Variants in SORCS2 observed in about 807,000 individuals in gnomAD.
SORCS2 encodes sortilin related VPS10 domain containing receptor 2.
Under a neutral mutation model 141.6 loss-of-function variants are expected in SORCS2, and 100 were observed. The ratio of observed to expected loss-of-function variants is 0.71; its 90% CI spans 0.60 to 0.83. The LOEUF (loss-of-function observed/expected upper bound fraction) is 0.83, where lower values mean the gene tolerates loss of function less well. Ranked by LOEUF, SORCS2 falls within the 40% of genes least tolerant of loss-of-function variation. The pLI, the probability that SORCS2 is intolerant of heterozygous loss-of-function variation, is 0.00. For synonymous variants in SORCS2, 789 were observed against 676.9 expected (o/e 1.17, Z -2.57); for missense variants, 1,646 against 1,560.2 (o/e 1.05, Z -0.93).
chr4:7,551,184 G>T (rs147320740), intron 3 of SORCS2, among the ~76,000 whole-genome samples: 20 of 152,302 alleles, frequency 1.3e-4, no homozygotes, highest in Non-Finnish European at 2.5e-4. Context: ...AAATTGGTTT[G>T]ATATTGTTGG....
intron 1 of SORCS2, among the ~76,000 whole-genome samples, chr4:7,265,777 G>T (rs573628051): frequency 9.8e-5 from 15 of 152,302 alleles, no homozygotes; most frequent in Admixed American, 9.8e-4. Context: ...ATGAGGCCAC[G>T]TTCGCAGGGG....
intron 1 of SORCS2, among the ~76,000 whole-genome samples, chr4:7,364,123 A>G (rs143075861): frequency 2.0e-5 from 3 of 151,964 alleles, no homozygotes; most frequent in Non-Finnish European, 4.4e-5. Flanking sequence ...CATCACCACC[A>G]CCACCACCAC....
At chr4:7,250,950 G>A (rs564207451) in intron 1 of SORCS2, among the ~76,000 whole-genome samples, 6 of 152,380 alleles carry the variant, frequency 3.9e-5, no homozygotes, top group East Asian at 1.9e-4. Flanking sequence ...CAGAGGCAAC[G>A]AGGAATTCTG....
intron 11 of SORCS2, among the ~76,000 whole-genome samples, chr4:7,694,422 TC>T (rs777502448): frequency 3.3e-5 from 5 of 151,840 alleles, no homozygotes; most frequent in Non-Finnish European, 5.9e-5. Context: ...GCTCCTTCTT[TC>T]CCCCGAGACT....
intron 3 of SORCS2, among the ~76,000 whole-genome samples, chr4:7,582,665 CA>C (rs139045913): frequency 2.6e-5 from 4 of 151,646 alleles, no homozygotes; most frequent in African/African-American, 4.8e-5. Flanking sequence ...AAACAAAAAA[CA>C]AAAAAAAGCA....
intron 3 of SORCS2, among the ~76,000 whole-genome samples, chr4:7,583,395 C>T (rs898666942): frequency 6.6e-6 from 1 of 152,196 alleles, no homozygotes; most frequent in Admixed American, 6.5e-5. Flanking sequence ...AAAACAGGAA[C>T]TCAACTTACC....
At chr4:7,652,078 G>C (rs1021568987) in intron 4 of SORCS2, among the ~76,000 whole-genome samples, 20 of 152,208 alleles carry the variant, frequency 1.3e-4, no homozygotes, top group Admixed American at 1.3e-4. Flanking sequence ...ATGGCACTAT[G>C]AAGTCCCACC....
chr4:7,293,421 G>A (rs1050769520), intron 1 of SORCS2, among the ~76,000 whole-genome samples: 2 of 152,152 alleles, frequency 1.3e-5, no homozygotes, highest in African/African-American at 4.8e-5. Flanking sequence ...GGTCCTTGTA[G>A]ACATGGCTTT....
chr4:7,388,688 T>C (rs4689719), intron 1 of SORCS2, among the ~76,000 whole-genome samples: 47,212 of 151,978 alleles, frequency 0.31, 7,479 homozygotes, highest in East Asian at 0.54. Flanking sequence ...GAAACTCACC[T>C]CTTTAGCCAT....
At chr4:7,293,295 C>T (rs1485532353) in intron 1 of SORCS2, among the ~76,000 whole-genome samples, 1 of 149,678 alleles carries the variant, frequency 6.7e-6, no homozygotes, top group Non-Finnish European at 1.5e-5. Flanking sequence ...AAGAGCAAGA[C>T]TCCATCTAAA....
intron 26 of SORCS2, among the ~76,000 whole-genome samples, chr4:7,739,750 C>T (rs1712497685): frequency 6.6e-6 from 1 of 152,154 alleles, no homozygotes; most frequent in Non-Finnish European, 1.5e-5. Flanking sequence ...AACCAGCCCC[C>T]ACCCGGGACA....
At position 7,733,941 on chromosome 4, in the gene SORCS2, T is replaced by G. The variant is rs553630377; in HGVS notation, c.3209-331T>G. ...TGGCCTCTGGCCCCTCTCAGCCACATCAGGAGCGCCGGCCACGGGCATGGA... is the reference window on the plus strand; with the variant it reads ...TGGCCTCTGGCCCCTCTCAGCCACAGCAGGAGCGCCGGCCACGGGCATGGA... On this transcript the variant is annotated intron_variant, in intron 24 of 26. Coordinates refer to ENST00000507866, the MANE Select transcript of SORCS2 (RefSeq NM_020777.3). 1.1e-4 allele frequency among the ~76,000 whole-genome samples: 16 copies of G among 152,142 alleles called. No individual in the cohort carries two copies. In the South Asian group the frequency reaches 3.1e-3, roughly 30 times the overall value.
rs1553881897 is a variant in SORCS2, at chr4:7,543,939, C to CCCATCCACCCATCCACCCATCCAT, written c.648+12317_648+12318insCCCATCCACCCATCCATCCATCCA. Among the ~76,000 whole-genome samples, 9 of 16,886 alleles carry CCCATCCACCCATCCACCCATCCAT rather than the reference C, an allele frequency of 5.3e-4. 2 individuals are homozygous for CCCATCCACCCATCCACCCATCCAT. The highest frequency in any genetic ancestry group is 7.3e-4 in the Non-Finnish European group (6 of 8,198). 11.1% of individuals were successfully genotyped at this position (16,886 alleles called of 152,430 possible). On this transcript the variant is annotated intron_variant, in intron 3 of 26. Transcript: ENST00000507866. ...ACCCATCCACCCATCCACCCATCCA[C>CCCATCCACCCATCCACCCATCCAT]CCATCCATCCATCCATCCATCCATC...
At chr4:7,431,253 C>T (rs1215631473) in intron 2 of SORCS2, 1 of 152,288 alleles carries the variant, frequency 6.6e-6, no homozygotes, top group African/African-American at 2.4e-5. Flanking sequence ...TACCCAGGCC[C>T]AAGGGGTGGG....
chr4:7,269,085 C>T (rs1438060855), intron 1 of SORCS2, among the ~76,000 whole-genome samples: 10 of 151,972 alleles, frequency 6.6e-5, no homozygotes, highest in Non-Finnish European at 2.9e-5. Context: ...CACAGGCAGC[C>T]GATTCAGCAT....
intron 1 of SORCS2, among the ~76,000 whole-genome samples, chr4:7,356,387 G>T (rs1015282026): frequency 6.6e-6 from 1 of 152,226 alleles, no homozygotes; most frequent in Non-Finnish European, 1.5e-5. Context: ...GGCTCTGGCT[G>T]AGTTTCTGGT....
chr4:7,557,624 C>G (rs542988313), intron 3 of SORCS2, among the ~76,000 whole-genome samples: 2 of 152,324 alleles, frequency 1.3e-5, no homozygotes, highest in South Asian at 4.1e-4. Context: ...TGAGTTTTTA[C>G]CCAGGGCTTT....
At position 7,700,512 on chromosome 4, in the gene SORCS2, A is replaced by G. The variant is rs78568536; in HGVS notation, c.1669-2768A>G. On this transcript the variant is annotated intron_variant, in intron 12 of 26. Coordinates refer to ENST00000507866, the MANE Select transcript of SORCS2 (RefSeq NM_020777.3). ...GATGGGTAGATCAATGGGGAGGAGA[A>G]CTGTGGAACGTTCTTCTTCATAGTC... Among the ~76,000 whole-genome samples, 335 of 152,286 alleles carry G rather than the reference A, an allele frequency of 2.2e-3. 3 individuals are homozygous for G. Among genetic ancestry groups the G allele is most frequent in the African/African-American group, 7.5e-3 (312 of 41,544 alleles).
At chr4:7,294,647 C>T (rs1206775111) in intron 1 of SORCS2, among the ~76,000 whole-genome samples, 1 of 146,568 alleles carries the variant, frequency 6.8e-6, no homozygotes, top group South Asian at 2.3e-4. Flanking sequence ...CACCTTTCCT[C>T]CCCCTCTCCC....
Sources: allele counts gnomAD v4.1 joint callset (sites outside exome capture counted in the v4.1 genomes callset), GRCh38; gene constraint gnomAD v4.1.1; transcripts MANE v1.5; gene names NCBI Gene and HGNC (gene_info 2026-07-23, HGNC 2026-07-21).